Variants in TEX101 observed in about 807,000 individuals in gnomAD.
TEX101 encodes the protein testis-expressed protein 101.
TEX101 carries 10 observed loss-of-function variants against 18.1 expected under a neutral mutation model. The ratio of observed to expected loss-of-function variants is 0.55; its 90% CI spans 0.34 to 0.94. The LOEUF (loss-of-function observed/expected upper bound fraction) is 0.94, where lower values mean the gene tolerates loss of function less well. Ranked by LOEUF, TEX101 falls within the 40% of genes least tolerant of loss-of-function variation. The probability of loss-of-function intolerance (pLI) is 0.02; values close to 1 mark genes in which losing one functional copy is unlikely to be tolerated. For synonymous variants in TEX101, 94 were observed against 114.8 expected (o/e 0.82, Z 1.16); for missense variants, 259 against 298.9 (o/e 0.87, Z 0.98).
At chr19:43,406,587 G>C in intron 3 of TEX101, 1 of 621,930 alleles carries the variant, frequency 1.6e-6, no homozygotes, top group South Asian at 1.9e-5. Flanking sequence ...CCTGGTGGGG[G>C]AGTCGGGCGC....
intron 3 of TEX101, among the ~76,000 whole-genome samples, chr19:43,408,755 C>T (rs909016053): frequency 6.6e-5 from 10 of 152,104 alleles, no homozygotes; most frequent in South Asian, 4.2e-4. Context: ...ACAGCTTCAG[C>T]GAGGCCTCAC....
upstream of TEX101, among the ~76,000 whole-genome samples, chr19:43,399,112 C>T (rs1404182250): frequency 6.6e-6 from 1 of 152,136 alleles, no homozygotes; most frequent in Non-Finnish European, 1.5e-5. Flanking sequence ...AATTTGTTTC[C>T]TTATGGTGTC....
At chr19:43,393,399 C>A in the TEX101 span, among the ~76,000 whole-genome samples, 1 of 152,302 alleles carries the variant, frequency 6.6e-6, no homozygotes, top group South Asian at 2.1e-4. Context: ...GGTGTCCATG[C>A]ACAATCCAGT....
intron 4 of TEX101, 37 bp from the exon 5 acceptor site, chr19:43,417,841 G>A (rs1161199779): frequency 1.2e-6 from 2 of 1,612,366 alleles, no homozygotes; most frequent in African/African-American, 1.3e-5. Context: ...TCTGGAGGCA[G>A]GACCTGCCCT....
chr19:43,414,811 A>G (rs1198622561), upstream of TEX101: 31 of 983,448 alleles, frequency 3.2e-5, no homozygotes, highest in South Asian at 4.7e-5. Flanking sequence ...GGCTCATCCA[A>G]TGAACTTATC....
the TEX101 span, among the ~76,000 whole-genome samples, chr19:43,392,581 G>A: frequency 5.8e-3 from 887 of 151,948 alleles, 10 homozygotes; most frequent in African/African-American, 0.02. Context: ...GGAGGAGGAG[G>A]GACATGGAGA....
chr19:43,404,729 CATA>C (rs1970346475), intron 2 of TEX101, among the ~76,000 whole-genome samples: 1 of 151,154 alleles, frequency 6.6e-6, no homozygotes, highest in South Asian at 2.1e-4. Context: ...GAAAAATATA[CATA>C]ATAATAAATT....
chr19:43,416,586 A>G, intron 4 of TEX101, 31 bp downstream of exon 4: 1 of 1,596,264 alleles, frequency 6.3e-7, no homozygotes, highest in Non-Finnish European at 8.5e-7. Flanking sequence ...ATAGGTACTA[A>G]GAGAAACTCC....
chr19:43,406,502 C>T (rs751783249), exon 3 of TEX101: 38 of 755,198 alleles, frequency 5.0e-5, no homozygotes, highest in Middle Eastern at 4.8e-4. Context: ...CTTCAGTTCC[C>T]GCATGGGGGC....
chr19:43,390,626 C>G, the TEX101 span, among the ~76,000 whole-genome samples: 3 of 151,480 alleles, frequency 2.0e-5, no homozygotes, highest in Non-Finnish European at 4.4e-5. Context: ...TGCCACCACG[C>G]CCGGCTAATT....
chr19:43,396,490 C>T, the TEX101 span, among the ~76,000 whole-genome samples: 3 of 152,204 alleles, frequency 2.0e-5, no homozygotes, highest in Non-Finnish European at 4.4e-5. Context: ...CGCTTAATCA[C>T]AAGCATAGCC....
At chr19:43,405,914 CA>C (rs1338003747) in intron 2 of TEX101, among the ~76,000 whole-genome samples, 1 of 151,356 alleles carries the variant, frequency 6.6e-6, no homozygotes, top group East Asian at 1.9e-4. Context: ...GACTCCATCT[CA>C]AAAAAATACG....
chr19:43,389,024 CT>C, the TEX101 span, among the ~76,000 whole-genome samples: 1 of 152,144 alleles, frequency 6.6e-6, no homozygotes, highest in African/African-American at 2.4e-5. Flanking sequence ...CGTAGCTTCC[CT>C]CCCTTCCATG....
At position 43,407,639 on chromosome 19, in the gene TEX101, G is replaced by C. The variant is rs575853969; in HGVS notation, c.15+1120G>C. 3.9e-5 allele frequency among the ~76,000 whole-genome samples: 6 copies of C among 152,354 alleles called. No homozygotes were observed. In the East Asian group the frequency reaches 7.7e-4, roughly 20 times the overall value. On this transcript the variant is annotated intron_variant, in intron 3 of 7. Transcript: ENST00000602198. The stretch of plus-strand genomic sequence containing the variant: ...ACAGGTCCCCAGGTTCAGACGTTTG[G>C]TGCCTGTGCTTGGATGAGGGACCAC...
exon 3 of TEX101, chr19:43,406,344 T>C: frequency 1.6e-6 from 1 of 623,970 alleles, no homozygotes; most frequent in South Asian, 1.8e-5. Context: ...GGATAGACGC[T>C]ATTCCCACCG....
Position 43,418,320 on chromosome 19 carries a change from A to G in TEX101, c.673A>G (p.Thr225Ala), listed in dbSNP as rs757828229. 5.6e-6 allele frequency: 9 copies of G among 1,614,178 alleles called. No individual in the cohort carries two copies. The highest frequency in any genetic ancestry group is 2.2e-5 in the East Asian group (1 of 44,874). Residue 225 changes from threonine to alanine, a missense_variant, in exon 6 of 6, where the codon ACC becomes GCC. By Grantham distance (58) the Thr-to-Ala change is moderately conservative. Coordinates refer to ENST00000598265, the MANE Select transcript of TEX101 (RefSeq NM_001130011.3). ...TQPRKTENGA[T>A]CLPIPVWGLQ... Reference sequence around the variant, plus strand: ...ACCTCGAAAGACTGAAAATGGGGCCACCTGTCTTCCCATTCCTGTTTGGGG... The same window carrying G: ...ACCTCGAAAGACTGAAAATGGGGCCGCCTGTCTTCCCATTCCTGTTTGGGG...
chr19:43,394,301 C>T, the TEX101 span, among the ~76,000 whole-genome samples: 2 of 152,028 alleles, frequency 1.3e-5, no homozygotes, highest in African/African-American at 4.8e-5. Context: ...GCTTCCCAGA[C>T]AACTTGAGAT....
chr19:43,416,676 G>A, intron 4 of TEX101, 121 bp downstream of exon 4: 3 of 924,378 alleles, frequency 3.2e-6, no homozygotes, highest in Non-Finnish European at 3.3e-6. Context: ...GTACCTCACA[G>A]TTCAAGTAAT....
intron 1 of TEX101, among the ~76,000 whole-genome samples, 178 bp from the exon 2 acceptor site, chr19:43,415,703 T>C (rs973375518): frequency 1.9e-4 from 28 of 150,912 alleles, no homozygotes; most frequent in African/African-American, 6.8e-4. Flanking sequence ...GCAGAGGCAG[T>C]GAGCCGAGAT....
Sources: gnomAD v4.1 joint callset for allele counts (sites outside exome capture counted in the v4.1 genomes callset) on GRCh38, gnomAD v4.1.1 for gene constraint, MANE v1.5 for transcripts, NCBI Gene and HGNC (gene_info 2026-07-23, HGNC 2026-07-21) for gene names.